The following GRM8 variants were observed in gnomAD, a reference collection of about 807,000 sequenced individuals.
GRM8 encodes glutamate metabotropic receptor 8.
Under a neutral mutation model 87.2 loss-of-function variants are expected in GRM8, and 47 were observed. The observed-to-expected ratio is 0.54, with a 90% CI of 0.43 to 0.69. The LOEUF is 0.69. Ranked by LOEUF, GRM8 falls within the 30% of genes least tolerant of loss-of-function variation. The pLI, the probability that GRM8 is intolerant of heterozygous loss-of-function variation, is 0.00. For synonymous variants in GRM8, 396 were observed against 404.5 expected, an observed-to-expected ratio of 0.98 and a Z score of 0.25; for missense variants, 1,019 against 1,139.2, an observed-to-expected ratio of 0.89 and a Z score of 1.52.
Position 126,682,653 on chromosome 7 carries a change from A to AT in GRM8, c.1358-73156dup, listed in dbSNP as rs1330235189. The stretch of plus-strand genomic sequence containing the variant: ...CTCGGCCTCACCCATTCATTTACCT[A>AT]TTGTCTATGGCTGTTTTGAGGCTAC... On this transcript the variant is annotated intron_variant, in intron 7 of 10. Transcript: ENST00000339582. Among the ~76,000 whole-genome samples the AT allele has an allele frequency of 5.3e-5, 8 of 152,294 alleles. No individual in the cohort carries two copies. In the East Asian group the frequency reaches 1.4e-3, roughly 26 times the overall value.
At chr7:127,157,767 C>T (rs1001931227) in intron 2 of GRM8, among the ~76,000 whole-genome samples, 6 of 152,022 alleles carry the variant, frequency 3.9e-5, no homozygotes, top group East Asian at 1.9e-4. Context: ...ATTTATAGTA[C>T]GATACCACTG....
chr7:126,646,037 T>A (rs1186331346), intron 7 of GRM8, among the ~76,000 whole-genome samples: 3 of 152,096 alleles, frequency 2.0e-5, no homozygotes, highest in Non-Finnish European at 4.4e-5. Context: ...AGAGAAAGTG[T>A]TACATTAAGG....
rs570161439 is a variant in GRM8 at position 127,078,333 on chromosome 7, C to G, written c.727+28163G>C. Among the ~76,000 whole-genome samples, 3 of 152,302 alleles carry G rather than the reference C, an allele frequency of 2.0e-5. No individual in the cohort carries two copies. The East Asian group carries it at 5.8e-4, about 29-fold the overall frequency. On this transcript the variant is annotated intron_variant, in intron 3 of 10. Coordinates refer to ENST00000339582, the MANE Select transcript of GRM8 (RefSeq NM_000845.3). ...TCCGTCTACCTTGTTAGACCATAGC[C>G]GCTTAGCAGCATAGATCATTCCCTT...
Position 126,647,562 on chromosome 7 carries a change from A to T in GRM8, c.1358-38064T>A, listed in dbSNP as rs1161857775. On this transcript the variant is annotated intron_variant, in intron 7 of 10. Transcript: ENST00000339582. ...AGATATTTCATAGCCATCACAAATT[A>T]AAAAATGCAGAAATGAACTATCAAG... is the stretch of plus-strand genomic sequence containing the variant. 2.6e-5 allele frequency among the ~76,000 whole-genome samples: 4 copies of T among 152,088 alleles called. 1 individual carries two copies. The highest frequency in any genetic ancestry group is 4.1e-4 in the South Asian group (2 of 4,824).
intron 3 of GRM8, among the ~76,000 whole-genome samples, chr7:127,010,096 G>C (rs537541745): frequency 4.6e-5 from 7 of 152,228 alleles, no homozygotes; most frequent in African/African-American, 1.4e-4. Flanking sequence ...GACTGCCTCA[G>C]CCTCCCAAAG....
chr7:126,646,533 A>G (rs527641657), intron 7 of GRM8, among the ~76,000 whole-genome samples: 1 of 152,142 alleles, frequency 6.6e-6, no homozygotes, highest in Non-Finnish European at 1.5e-5. Flanking sequence ...AATTGTGTCC[A>G]TGTTGCCAAA....
chr7:127,100,488 C>A (rs1825133039), intron 3 of GRM8, among the ~76,000 whole-genome samples: 1 of 152,208 alleles, frequency 6.6e-6, no homozygotes, highest in Admixed American at 6.5e-5. Context: ...ACACTGTATT[C>A]ATCTGTTCTC....
intron 8 of GRM8, among the ~76,000 whole-genome samples, chr7:126,566,689 A>C (rs1335369680): frequency 6.6e-6 from 1 of 152,196 alleles, no homozygotes; most frequent in Non-Finnish European, 1.5e-5. Flanking sequence ...TATTTATCCA[A>C]AAGAATTGAA....
intron 3 of GRM8, among the ~76,000 whole-genome samples, chr7:126,965,164 T>TTGGG (rs769532465): frequency 3.3e-5 from 5 of 151,720 alleles, no homozygotes. Context: ...TGTCAGGCGG[T>TTGGG]TGGGGGGTCA....
chr7:126,527,461 T>C (rs958582053), intron 9 of GRM8, among the ~76,000 whole-genome samples: 4 of 152,244 alleles, frequency 2.6e-5, no homozygotes, highest in Admixed American at 2.6e-4. Context: ...ATGTGGATAC[T>C]GATAATCATT....
At chr7:126,495,710 T>C (rs1371641454) in intron 9 of GRM8, among the ~76,000 whole-genome samples, 2 of 152,042 alleles carry the variant, frequency 1.3e-5, no homozygotes, top group Non-Finnish European at 1.5e-5. Context: ...TAAATTCTTA[T>C]ACTGAGAACG....
At chr7:127,127,105 C>G (rs1289047661) in intron 2 of GRM8, among the ~76,000 whole-genome samples, 2 of 151,980 alleles carry the variant, frequency 1.3e-5, no homozygotes, top group South Asian at 4.1e-4. Flanking sequence ...CTTAAACTCT[C>G]CTACATTGCA....
intron 3 of GRM8, among the ~76,000 whole-genome samples, chr7:126,978,689 G>A (rs976336034): frequency 2.0e-5 from 3 of 152,120 alleles, no homozygotes; most frequent in African/African-American, 7.2e-5. Context: ...ATAGGTGGCA[G>A]GATTAGATGA....
chr7:126,904,623 T>G lies in GRM8; in HGVS notation c.788A>C (p.Glu263Ala), dbSNP rs1329758448. ...TTCTAGCAGGCGTTTGATAATTTTT[T>G]CAAATTCTCCAGGTCTTGGTTCACG... ...IPREPRPGEF[E>A]KIIKRLLETP... The change falls in exon 4 of 11, where the codon GAA becomes GCA. Residue 263 changes from glutamate to alanine, a missense_variant. By Grantham distance (107) the Glu-to-Ala change is moderately radical. Transcript: ENST00000339582. 1 of 1,613,820 alleles carries G rather than the reference T, an allele frequency of 6.2e-7. No homozygotes were observed. The highest frequency in any genetic ancestry group is 8.5e-7 in the Non-Finnish European group (1 of 1,179,732).
chr7:126,959,749 G>A (rs1809114122), intron 3 of GRM8, among the ~76,000 whole-genome samples: 1 of 152,080 alleles, frequency 6.6e-6, no homozygotes, highest in African/African-American at 2.4e-5. Context: ...AAAGCAGTAG[G>A]CTCAGATATC....
chr7:126,446,287 T>C lies in GRM8; in HGVS notation c.2516A>G (p.Tyr839Cys). ...SLGMLYMPKVYIIIFHPEQNV... is the reference protein window; with the variant it reads ...SLGMLYMPKVCIIIFHPEQNV... Reference sequence around the variant, plus strand: ...CTGTTCTGGATGAAAAATTATAATATAAACCTTGGGCATATAGAGCATGCC... The same window carrying C: ...CTGTTCTGGATGAAAAATTATAATACAAACCTTGGGCATATAGAGCATGCC... The change falls in exon 10 of 11, where the codon TAT (tyrosine) becomes TGT (cysteine). Residue 839 changes from tyrosine to cysteine, a missense_variant. Transcript: ENST00000339582. 6.2e-7 allele frequency: 1 copy of C among 1,611,540 alleles called. No individual in the cohort carries two copies. Among genetic ancestry groups the C allele is most frequent in the Non-Finnish European group, 8.5e-7 (1 of 1,178,414 alleles).
chr7:126,772,642 A>G (rs1818970507), intron 6 of GRM8, among the ~76,000 whole-genome samples: 1 of 152,136 alleles, frequency 6.6e-6, no homozygotes, highest in Admixed American at 6.6e-5. Flanking sequence ...ATTTTATGGT[A>G]TTGAAGTATG....
chr7:126,594,635 A>G (rs1351036191), intron 8 of GRM8, among the ~76,000 whole-genome samples: 2 of 152,106 alleles, frequency 1.3e-5, no homozygotes, highest in Admixed American at 1.3e-4. Context: ...ACTTAGGAGG[A>G]ATATGTTCAA....
intron 9 of GRM8, among the ~76,000 whole-genome samples, chr7:126,449,126 G>A (rs1418858620): frequency 6.6e-6 from 1 of 151,766 alleles, no homozygotes. Context: ...GAAGGAATAT[G>A]TTCCAGTAGA....
Sources: gnomAD v4.1 joint callset for allele counts (sites outside exome capture counted in the v4.1 genomes callset) on GRCh38, gnomAD v4.1.1 for gene constraint, MANE v1.5 for transcripts, NCBI Gene and HGNC (gene_info 2026-07-23, HGNC 2026-07-21) for gene names.